The following ASAP1 variants were observed in gnomAD, a reference collection of about 807,000 sequenced individuals.
ASAP1 encodes ArfGAP with SH3 domain, ankyrin repeat and PH domain 1, also known as arf-GAP with SH3 domain, ANK repeat and PH domain-containing protein 1.
In ASAP1, 43 loss-of-function variants were observed where a neutral mutation model predicts 145.2. That is an observed-to-expected ratio of 0.30 (90% CI 0.23 to 0.38). The LOEUF (loss-of-function observed/expected upper bound fraction) is 0.38, where lower values mean the gene tolerates loss of function less well. Ranked by LOEUF, ASAP1 falls within the 10% of genes least tolerant of loss-of-function variation. The probability of loss-of-function intolerance (pLI) is 1.00; values close to 1 mark genes in which losing one functional copy is unlikely to be tolerated. For synonymous variants in ASAP1, 546 were observed against 515.5 expected (o/e 1.06, Z -0.80); for missense variants, 1,018 against 1,355.3 (o/e 0.75, Z 3.91).
intron 4 of ASAP1, among the ~76,000 whole-genome samples, chr8:130,221,814 G>A (rs1000790474): frequency 1.7e-4 from 26 of 152,166 alleles, no homozygotes; most frequent in African/African-American, 6.0e-4. Flanking sequence ...ATCATTTACT[G>A]TCTGTGTGGT....
chr8:130,242,582 T>C (rs1049728501), intron 3 of ASAP1, among the ~76,000 whole-genome samples: 1 of 152,078 alleles, frequency 6.6e-6, no homozygotes, highest in African/African-American at 2.4e-5. Context: ...GGATGCCTAA[T>C]TAACACTTGC....
intron 5 of ASAP1, among the ~76,000 whole-genome samples, chr8:130,189,575 T>A (rs1814991697): frequency 6.6e-6 from 1 of 152,232 alleles, no homozygotes; most frequent in Non-Finnish European, 1.5e-5. Flanking sequence ...CTTAGGTTGA[T>A]TCCGTATCTT....
chr8:130,115,488 G>A lies in ASAP1; in HGVS notation c.2172+140C>T, dbSNP rs2097553929. ...ATAGCTGTTAAATGGTGCCCAATAA[G>A]GACTGAACAACATAAATGGCCCTGA... On this transcript the variant is annotated intron_variant, in intron 23 of 29. Transcript: ENST00000518721. 6.6e-5 allele frequency: 46 copies of A among 695,894 alleles called. No individual in the cohort carries two copies. In the South Asian group the frequency reaches 7.5e-4, roughly 11 times the overall value. 43.1% of individuals were successfully genotyped at this position (695,894 alleles called of 1,614,324 possible).
At chr8:130,403,971 T>C (rs993685432) in intron 1 of ASAP1, among the ~76,000 whole-genome samples, 3 of 152,216 alleles carry the variant, frequency 2.0e-5, no homozygotes, top group African/African-American at 7.2e-5. Flanking sequence ...CCTAGGTAAC[T>C]CCTGTACTTC....
In ASAP1 at chr8:130,263,220, T is replaced by C. The variant is rs117282230; in HGVS notation, c.187-26226A>G. Among the ~76,000 whole-genome samples, 289 of 152,232 alleles carry C rather than the reference T, an allele frequency of 1.9e-3. 2 individuals carry two copies. The highest frequency in any genetic ancestry group is 3.2e-3 in the Non-Finnish European group (215 of 68,018). ...AAGGGCCACACTTTTCTCCTAGCTA[T>C]AGCTAACTGAACCAGGGAAGGTAGC... On this transcript the variant is annotated intron_variant, in intron 3 of 29. Transcript: ENST00000518721.
chr8:130,285,579 A>C (rs1821557362), intron 3 of ASAP1, among the ~76,000 whole-genome samples: 1 of 152,226 alleles, frequency 6.6e-6, no homozygotes, highest in Admixed American at 6.5e-5. Flanking sequence ...AGCTTCAAAA[A>C]TATTCAGCCA....
chr8:130,167,769 A>G (rs935255117), intron 10 of ASAP1, 147 bp from the exon 11 acceptor site: 7 of 608,430 alleles, frequency 1.2e-5, no homozygotes, highest in South Asian at 1.0e-4. Flanking sequence ...TTTTGATATG[A>G]TATTTCTCAT....
chr8:130,217,117 ATG>A (rs561495821), intron 4 of ASAP1, among the ~76,000 whole-genome samples: 145 of 152,220 alleles, frequency 9.5e-4, no homozygotes, highest in Non-Finnish European at 1.7e-3. Flanking sequence ...ATCCAAGGCC[ATG>A]TGAGTGGAAG....
intron 1 of ASAP1, among the ~76,000 whole-genome samples, 166 bp downstream of exon 1, chr8:130,443,294 C>T (rs1830557025): frequency 6.6e-6 from 1 of 151,788 alleles, no homozygotes; most frequent in Admixed American, 6.6e-5. Context: ...CCAGGGCCGG[C>T]GCCCTCCCCG....
intron 3 of ASAP1, among the ~76,000 whole-genome samples, chr8:130,244,774 TG>T (rs1234560042): frequency 6.6e-6 from 1 of 152,160 alleles, no homozygotes; most frequent in Admixed American, 6.6e-5. Context: ...GTGTCCCCTG[TG>T]GGCCAGGTGC....
chr8:130,132,983 G>C (rs1189315140), intron 15 of ASAP1, among the ~76,000 whole-genome samples: 3 of 152,010 alleles, frequency 2.0e-5, no homozygotes, highest in Non-Finnish European at 4.4e-5. Flanking sequence ...TAAGCGAGTG[G>C]GAGAGAGAAA....
intron 1 of ASAP1, among the ~76,000 whole-genome samples, chr8:130,424,930 T>A (rs1829858758): frequency 6.8e-6 from 1 of 146,508 alleles, no homozygotes; most frequent in Admixed American, 6.8e-5. Flanking sequence ...GAGGCAGAGG[T>A]TGCAGTGAGC....
At chr8:130,066,804 C>T (rs1291723309) in intron 27 of ASAP1, among the ~76,000 whole-genome samples, 1 of 152,194 alleles carries the variant, frequency 6.6e-6, no homozygotes, top group Non-Finnish European at 1.5e-5. Context: ...ATAAGAGTCC[C>T]ACAGGTGTGC....
chr8:130,155,352 A>G (rs2097656200), intron 12 of ASAP1, among the ~76,000 whole-genome samples: 1 of 152,134 alleles, frequency 6.6e-6, no homozygotes, highest in Non-Finnish European at 1.5e-5. Flanking sequence ...GGCACAGTTG[A>G]GAGCAGTATT....
chr8:130,119,672 A>C (rs2097562411), intron 18 of ASAP1, among the ~76,000 whole-genome samples: 1 of 152,116 alleles, frequency 6.6e-6, no homozygotes, highest in Non-Finnish European at 1.5e-5. Context: ...ACCTGAATCC[A>C]CCCCTTGAAT....
chr8:130,173,744 G>A (rs1174797387), intron 9 of ASAP1, among the ~76,000 whole-genome samples: 1 of 151,318 alleles, frequency 6.6e-6, no homozygotes, highest in African/African-American at 2.4e-5. Flanking sequence ...CTCCAGGCTG[G>A]GTGACAGAGT....
intron 3 of ASAP1, among the ~76,000 whole-genome samples, chr8:130,290,058 G>T (rs1307012027): frequency 6.6e-6 from 1 of 152,110 alleles, no homozygotes; most frequent in Admixed American, 6.5e-5. Flanking sequence ...AGTTGGCAAC[G>T]GCCCGAGAGG....
chr8:130,395,329 C>T (rs1245087211), intron 2 of ASAP1, among the ~76,000 whole-genome samples: 1 of 152,172 alleles, frequency 6.6e-6, no homozygotes, highest in Non-Finnish European at 1.5e-5. Context: ...CTTAGCCACC[C>T]CCTCATCCAT....
intron 2 of ASAP1, among the ~76,000 whole-genome samples, chr8:130,365,192 A>G (rs905427547): frequency 2.0e-5 from 3 of 152,196 alleles, no homozygotes; most frequent in African/African-American, 7.2e-5. Context: ...CTAGTGAGGT[A>G]GTGTGTTTTC....
Sources: gnomAD v4.1 joint callset for allele counts (sites outside exome capture counted in the v4.1 genomes callset) on GRCh38, gnomAD v4.1.1 for gene constraint, MANE v1.5 for transcripts, NCBI Gene and HGNC (gene_info 2026-07-23, HGNC 2026-07-21) for gene names.